The following NHERF1 variants were observed in gnomAD, a reference collection of about 807,000 sequenced individuals.
NHERF1 encodes the protein Na(+)/H(+) exchange regulatory cofactor NHE-RF1.
the NHERF1 span, among the ~76,000 whole-genome samples, chr17:74,756,121 T>C: frequency 6.0e-5 from 9 of 151,096 alleles, no homozygotes; most frequent in Non-Finnish European, 1.0e-4. Flanking sequence ...TTTGTATTTT[T>C]CTTTTTTAGT....
At chr17:74,754,472 G>A in the NHERF1 span, among the ~76,000 whole-genome samples, 197 of 139,268 alleles carry the variant, frequency 1.4e-3, no homozygotes, top group African/African-American at 5.1e-3. Context: ...GTGTGATCTC[G>A]GCTCACTGCA....
chr17:74,748,633 C>T, the NHERF1 span: 3 of 501,394 alleles, frequency 6.0e-6, no homozygotes, highest in East Asian at 3.4e-5. This position sits in a 1 kb window ranked among gnomAD's most constrained non-coding sequence, Gnocchi z 4.3. Context: ...CGCTCAGACG[C>T]CGCGCGGGGC....
chr17:74,748,727 C>G, the NHERF1 span: 2 of 899,676 alleles, frequency 2.2e-6, no homozygotes, highest in Admixed American at 5.6e-5. This position sits in a 1 kb window ranked among gnomAD's most constrained non-coding sequence, Gnocchi z 4.3. Flanking sequence ...CTTGGCCCGT[C>G]CGGCGGCTCA....
At chr17:74,762,653 G>A in the NHERF1 span, among the ~76,000 whole-genome samples, 1 of 152,208 alleles carries the variant, frequency 6.6e-6, no homozygotes, top group East Asian at 1.9e-4. The surrounding 1 kb of genome is among the most constrained non-coding windows in gnomAD (Gnocchi z 4.2). Context: ...CGCCTCCTGG[G>A]TTCAAGCGAT....
chr17:74,751,700 C>T, the NHERF1 span, among the ~76,000 whole-genome samples: 2 of 152,204 alleles, frequency 1.3e-5, no homozygotes, highest in African/African-American at 2.4e-5. The surrounding 1 kb of genome is among the most constrained non-coding windows in gnomAD (Gnocchi z 4.3). Context: ...CAGCAAGACC[C>T]GCCCTGCTGT....
chr17:74,754,367 A>G, the NHERF1 span, among the ~76,000 whole-genome samples: 2 of 145,290 alleles, frequency 1.4e-5, no homozygotes, highest in Non-Finnish European at 1.5e-5. Context: ...AGATGTTGAC[A>G]TGCATTTCTT....
At chr17:74,757,376 G>T in the NHERF1 span, among the ~76,000 whole-genome samples, 3 of 152,228 alleles carry the variant, frequency 2.0e-5, no homozygotes, top group Admixed American at 1.3e-4. Flanking sequence ...ACATTCCCCT[G>T]CCGCCCGCAC....
chr17:74,768,788 T>A, the NHERF1 span: 1 of 770,132 alleles, frequency 1.3e-6, no homozygotes, highest in Non-Finnish European at 2.1e-6. Context: ...CAAATGATTT[T>A]TCTAGAGAAC....
the NHERF1 span, among the ~76,000 whole-genome samples, chr17:74,750,963 T>G: frequency 6.6e-6 from 1 of 152,032 alleles, no homozygotes; most frequent in African/African-American, 2.4e-5. Flanking sequence ...GACACCTACA[T>G]TTGTGTGTAC....
chr17:74,751,378 G>A, the NHERF1 span, among the ~76,000 whole-genome samples: 10 of 152,380 alleles, frequency 6.6e-5, no homozygotes, highest in African/African-American at 2.4e-4. This position sits in a 1 kb window ranked among gnomAD's most constrained non-coding sequence, Gnocchi z 4.3. Context: ...TCAAATGGAG[G>A]TTTGCCAATT....
the NHERF1 span, chr17:74,748,916 T>C: frequency 6.2e-7 from 1 of 1,601,552 alleles, no homozygotes; most frequent in Non-Finnish European, 8.5e-7. The surrounding 1 kb of genome is among the most constrained non-coding windows in gnomAD (Gnocchi z 4.3). Flanking sequence ...TCCGAACGGC[T>C]ACGGCTTCCA....
the NHERF1 span, chr17:74,749,126 G>T: frequency 2.5e-6 from 4 of 1,569,180 alleles, no homozygotes; most frequent in South Asian, 4.6e-5. This position sits in a 1 kb window ranked among gnomAD's most constrained non-coding sequence, Gnocchi z 5.6. Context: ...GGTCGACCCC[G>T]AGACGGACGA....
chr17:74,767,821 T>G, the NHERF1 span, among the ~76,000 whole-genome samples: 1 of 152,144 alleles, frequency 6.6e-6, no homozygotes, highest in African/African-American at 2.4e-5. Flanking sequence ...AGCCCCTCCC[T>G]GGTCACTGGC....
chr17:74,748,702 TG>T, the NHERF1 span: 1 of 701,916 alleles, frequency 1.4e-6, no homozygotes, highest in Non-Finnish European at 2.3e-6. This position sits in a 1 kb window ranked among gnomAD's most constrained non-coding sequence, Gnocchi z 4.3. Flanking sequence ...CGACGGTTCC[TG>T]GGACACCTGC....
At chr17:74,764,124 C>T in the NHERF1 span, among the ~76,000 whole-genome samples, 1 of 152,242 alleles carries the variant, frequency 6.6e-6, no homozygotes, top group Non-Finnish European at 1.5e-5. This position sits in a 1 kb window ranked among gnomAD's most constrained non-coding sequence, Gnocchi z 4.9. Context: ...TGCACCGGGG[C>T]AGGGAGGGGT....
the NHERF1 span, among the ~76,000 whole-genome samples, chr17:74,753,490 G>A: frequency 6.6e-6 from 1 of 152,214 alleles, no homozygotes; most frequent in Non-Finnish European, 1.5e-5. Context: ...GATTGTTTGT[G>A]TGTTGGGATC....
chr17:74,764,938 A>T, the NHERF1 span, among the ~76,000 whole-genome samples: 7 of 152,194 alleles, frequency 4.6e-5, no homozygotes, highest in African/African-American at 1.7e-4. This position sits in a 1 kb window ranked among gnomAD's most constrained non-coding sequence, Gnocchi z 4.9. Context: ...AGGGAGGAGA[A>T]GATGAGAGTC....
At chr17:74,758,267 C>T in the NHERF1 span, among the ~76,000 whole-genome samples, 4 of 152,184 alleles carry the variant, frequency 2.6e-5, no homozygotes, top group South Asian at 2.1e-4. The surrounding 1 kb of genome is among the most constrained non-coding windows in gnomAD (Gnocchi z 4.3). Context: ...GGTGATGGGG[C>T]GGCCACTTAG....
At chr17:74,751,846 A>C in the NHERF1 span, among the ~76,000 whole-genome samples, 1 of 152,208 alleles carries the variant, frequency 6.6e-6, no homozygotes, top group Admixed American at 6.5e-5. The surrounding 1 kb of genome is among the most constrained non-coding windows in gnomAD (Gnocchi z 4.3). Context: ...GTGCGAAGCC[A>C]AGTTACCTCA....
Sources: gnomAD v4.1 joint callset for allele counts (sites outside exome capture counted in the v4.1 genomes callset) on GRCh38, gnomAD v4.1.1 for gene constraint, Gnocchi (gnomAD v3.1) non-coding constraint, MANE v1.5 for transcripts, NCBI Gene and HGNC (gene_info 2026-07-23, HGNC 2026-07-21) for gene names.